KSR2: variants seen among roughly 807,000 people sequenced by gnomAD.
KSR2 encodes the protein kinase suppressor of ras 2.
A neutral mutation model predicts 107.8 loss-of-function variants in KSR2; 25 were observed. The observed-to-expected ratio is 0.23, with a 90% CI of 0.17 to 0.32. The LOEUF is 0.32. KSR2 is among the 10% of genes least tolerant of loss of function. The probability of loss-of-function intolerance (pLI) is 1.00; values close to 1 mark genes in which losing one functional copy is unlikely to be tolerated. For synonymous variants in KSR2, 480 were observed against 507.0 expected, an observed-to-expected ratio of 0.95 and a Z score of 0.71; for missense variants, 887 against 1,268.9, an observed-to-expected ratio of 0.70 and a Z score of 4.57.
rs913960115 is a variant in KSR2, at chr12:117,907,511, G to A, written c.181-47080C>T. 2.0e-5 allele frequency among the ~76,000 whole-genome samples: 3 copies of A among 152,102 alleles called. No individual in the cohort carries two copies. The highest frequency in any genetic ancestry group is 7.2e-5 in the African/African-American group (3 of 41,404). ...ACACCATCCGCTAACTAATCTACGG[G>A]GCTGGATTGACGTCAGCCACAGTGG... On this transcript the variant is annotated intron_variant, in intron 1 of 19. Transcript: ENST00000339824. This position sits in a 1 kb window ranked among gnomAD's most constrained non-coding sequence, Gnocchi z 4.3.
At chr12:117,693,005 C>CTT (rs1202372669) in intron 4 of KSR2, among the ~76,000 whole-genome samples, 2 of 152,118 alleles carry the variant, frequency 1.3e-5, no homozygotes, top group Non-Finnish European at 2.9e-5. Flanking sequence ...TGTGACTGTA[C>CTT]CAAAGGCCAC....
At chr12:117,888,820 TGTTACGGCAGCCCAA>T (rs1894254823) in intron 1 of KSR2, among the ~76,000 whole-genome samples, 2 of 152,230 alleles carry the variant, frequency 1.3e-5, no homozygotes, top group African/African-American at 4.8e-5. Context: ...TATGGTATTT[TGTTACGGCAGCCCAA>T]GTTGACTAAG....
intron 7 of KSR2, among the ~76,000 whole-genome samples, chr12:117,560,763 C>T (rs816185): frequency 0.7 from 106,427 of 151,976 alleles, 37,434 homozygotes; most frequent in Middle Eastern, 0.72. Flanking sequence ...GCCTTCCTTA[C>T]GGTAATCAGT....
At chr12:117,893,774 A>C (rs965746839) in intron 1 of KSR2, among the ~76,000 whole-genome samples, 1 of 152,220 alleles carries the variant, frequency 6.6e-6, no homozygotes, top group Non-Finnish European at 1.5e-5. Context: ...TACGGTAAGG[A>C]GAGTGAGGCA....
At chr12:117,812,842 C>CAAAAAAAAAAAAAAAAAAAA (rs3073170) in intron 3 of KSR2, among the ~76,000 whole-genome samples, 25 of 95,508 alleles carry the variant, frequency 2.6e-4, no homozygotes, top group Middle Eastern at 0.012. Flanking sequence ...CCCAAATAGC[C>CAAAAAAAAAAAAAAAAAAAA]AAAAAAAAAA....
chr12:117,478,613 T>A (rs1028637799), intron 16 of KSR2, among the ~76,000 whole-genome samples: 1 of 151,530 alleles, frequency 6.6e-6, no homozygotes, highest in Non-Finnish European at 1.5e-5. Flanking sequence ...TTTATTTTAT[T>A]TTTTTTTAGA....
At chr12:117,803,107 C>T (rs1033364750) in intron 3 of KSR2, among the ~76,000 whole-genome samples, 1 of 152,172 alleles carries the variant, frequency 6.6e-6, no homozygotes, top group African/African-American at 2.4e-5. Flanking sequence ...CTTTCTCTCT[C>T]CTACCAGGGA....
chr12:117,835,986 C>T (rs1291668115), intron 3 of KSR2, among the ~76,000 whole-genome samples: 2 of 152,070 alleles, frequency 1.3e-5, no homozygotes, highest in East Asian at 1.9e-4. Context: ...AAGTACCCTC[C>T]GTAAACTGAC....
chr12:117,507,238 T>C (rs573829889), intron 14 of KSR2, among the ~76,000 whole-genome samples: 1 of 152,310 alleles, frequency 6.6e-6, no homozygotes, highest in South Asian at 2.1e-4. Context: ...CCCAAGTGAC[T>C]TGCCCAAGGC....
At chr12:117,866,945 T>C (rs911366490) in intron 1 of KSR2, among the ~76,000 whole-genome samples, 2 of 152,124 alleles carry the variant, frequency 1.3e-5, no homozygotes, top group African/African-American at 4.8e-5. Context: ...CAAAAGAAAG[T>C]TCTGACTCCT....
In KSR2 at chr12:117,968,057, T is replaced by TTC; in HGVS notation, c.180+18_180+19insGA. On this transcript the variant is annotated intron_variant, in intron 1 of 19. Transcript: ENST00000339824. ...TTTTTTTTTTTTTTTTTTTTTTTTT[T>TTC]CCCGTAGGCAACACCTACCTCCAGG... The TTC allele has an allele frequency of 1.4e-6, 1 of 722,676 alleles. No individual in the cohort carries two copies. The highest frequency in any genetic ancestry group is 1.8e-5 in the South Asian group (1 of 56,764). The allele number at this position is 722,676 out of a possible 1,614,324, so 44.8% of individuals were successfully genotyped here.
rs1885862553 is a variant in KSR2, at chr12:117,692,484, A to G, written c.987-24826T>C. Among the ~76,000 whole-genome samples, 2 of 101,448 alleles carry G rather than the reference A, an allele frequency of 2.0e-5. 1 individual carries two copies. Among genetic ancestry groups the G allele is most frequent in the South Asian group, 6.2e-4 (2 of 3,228 alleles). 66.6% of individuals were successfully genotyped at this position (101,448 alleles called of 152,430 possible). On this transcript the variant is annotated intron_variant, in intron 4 of 19. Coordinates refer to ENST00000339824, the MANE Select transcript of KSR2 (RefSeq NM_173598.6). ...TATATATATATATATATATATATAT[A>G]TATATATATATATATATATATACAC...
chr12:117,906,043 A>T (rs1251832509), intron 1 of KSR2, among the ~76,000 whole-genome samples: 2 of 140,670 alleles, frequency 1.4e-5, no homozygotes, highest in Non-Finnish European at 3.1e-5. Context: ...TACAGGGATG[A>T]GAAACACTTA....
chr12:117,741,265 C>T (rs1387657613), intron 4 of KSR2, among the ~76,000 whole-genome samples: 1 of 151,870 alleles, frequency 6.6e-6, no homozygotes, highest in Non-Finnish European at 1.5e-5. Context: ...TCCTATAATC[C>T]TAGCTACTTG....
At chr12:117,584,058 A>C (rs1268870757) in intron 5 of KSR2, among the ~76,000 whole-genome samples, 1 of 152,118 alleles carries the variant, frequency 6.6e-6, no homozygotes, top group Non-Finnish European at 1.5e-5. Context: ...AGAAATCCCA[A>C]TTCTGCCCTT....
chr12:117,473,743 G>A (rs1461615840), intron 17 of KSR2, among the ~76,000 whole-genome samples: 3 of 152,168 alleles, frequency 2.0e-5, no homozygotes, highest in African/African-American at 7.2e-5. Flanking sequence ...GAGAGAAATA[G>A]GGCTTTGAGT....
intron 1 of KSR2, among the ~76,000 whole-genome samples, chr12:117,869,803 A>G (rs1893593685): frequency 6.6e-6 from 1 of 152,224 alleles, no homozygotes; most frequent in African/African-American, 2.4e-5. Context: ...GTCAACGACA[A>G]TAAAGCATTT....
intron 4 of KSR2, among the ~76,000 whole-genome samples, chr12:117,699,864 A>G (rs150244280): frequency 2.0e-5 from 3 of 152,180 alleles, no homozygotes; most frequent in East Asian, 3.9e-4. Flanking sequence ...TTTCAGCTTC[A>G]TTATAATCTT....
chr12:117,595,388 C>T (rs550445189), intron 5 of KSR2, among the ~76,000 whole-genome samples: 3 of 114,426 alleles, frequency 2.6e-5, no homozygotes, highest in Admixed American at 1.2e-4. Context: ...GACGGAGTCT[C>T]GCTCTGTTGC....
Sources: gnomAD v4.1 joint callset for allele counts (sites outside exome capture counted in the v4.1 genomes callset) on GRCh38, gnomAD v4.1.1 for gene constraint, Gnocchi (gnomAD v3.1) non-coding constraint, MANE v1.5 for transcripts, NCBI Gene and HGNC (gene_info 2026-07-23, HGNC 2026-07-21) for gene names.